Variants in ERBB4 observed in about 807,000 individuals in gnomAD.
The protein encoded by ERBB4 is receptor tyrosine-protein kinase erbB-4.
In ERBB4, 42 loss-of-function variants were observed where a neutral mutation model predicts 158.0. The ratio of observed to expected loss-of-function variants is 0.27; its 90% CI spans 0.21 to 0.34. The LOEUF (loss-of-function observed/expected upper bound fraction) is 0.34. ERBB4 is among the 10% of genes least tolerant of loss of function. The pLI is 1.00. For missense variants in ERBB4, 1,333 were observed against 1,624.1 expected, an observed-to-expected ratio of 0.82 and a Z score of 3.08; for synonymous variants, 583 against 558.7, an observed-to-expected ratio of 1.04 and a Z score of -0.61.
At chr2:212,041,022 T>C (rs1213821399) in intron 2 of ERBB4, among the ~76,000 whole-genome samples, 1 of 152,106 alleles carries the variant, frequency 6.6e-6, no homozygotes, top group Non-Finnish European at 1.5e-5. Context: ...TGAAGAGACT[T>C]CTTGGTTCAA....
intron 1 of ERBB4, among the ~76,000 whole-genome samples, chr2:212,394,366 C>T (rs950739384): frequency 6.6e-6 from 1 of 151,938 alleles, no homozygotes; most frequent in African/African-American, 2.4e-5. Context: ...TATAATGGTA[C>T]TGTCGCTAAT....
chr2:211,857,246 T>C (rs2077894264), intron 3 of ERBB4, among the ~76,000 whole-genome samples: 1 of 145,534 alleles, frequency 6.9e-6, no homozygotes. Context: ...ATTTTAAATG[T>C]CCTTCCTTTG....
At chr2:212,354,166 C>A (rs2089373047) in intron 1 of ERBB4, among the ~76,000 whole-genome samples, 2 of 152,044 alleles carry the variant, frequency 1.3e-5, no homozygotes, top group Non-Finnish European at 2.9e-5. Context: ...TTTTCACATG[C>A]ACTTGATTAA....
Position 212,111,227 on chromosome 2 carries a change from T to TA in ERBB4, c.234+13524_234+13525insT, listed in dbSNP as rs559549486. Among the ~76,000 whole-genome samples the TA allele has an allele frequency of 1.4e-4, 22 of 152,332 alleles. 2 individuals are homozygous for TA. In the South Asian group the frequency reaches 4.6e-3, roughly 32 times the overall value. On this transcript the variant is annotated intron_variant, in intron 2 of 27. Transcript: ENST00000342788. ...TTATATGCAGTTAGTTGTTAAGTCTTTATTAAGTCTTTCCTTATAATGATT... is the reference window on the plus strand; with the variant it reads ...TTATATGCAGTTAGTTGTTAAGTCTTATATTAAGTCTTTCCTTATAATGATT...
intron 4 of ERBB4, among the ~76,000 whole-genome samples, chr2:211,752,031 T>C (rs187789285): frequency 3.3e-4 from 50 of 152,280 alleles, no homozygotes; most frequent in African/African-American, 1.2e-3. Flanking sequence ...GTGTATAATA[T>C]CCTGTCACTC....
intron 2 of ERBB4, among the ~76,000 whole-genome samples, chr2:212,083,316 A>G (rs2078500620): frequency 6.6e-6 from 1 of 151,928 alleles, no homozygotes; most frequent in Admixed American, 6.6e-5. Flanking sequence ...TTATTCTCAG[A>G]TGGTGGGAAA....
At chr2:212,468,519 C>T (rs62186293) in intron 1 of ERBB4, among the ~76,000 whole-genome samples, 43,511 of 152,038 alleles carry the variant, frequency 0.29, 7,148 homozygotes, top group Non-Finnish European at 0.38. Flanking sequence ...TATGACTTGC[C>T]CCTCCTTGCT....
At chr2:211,384,528 T>C (rs1382035421) in intron 27 of ERBB4, among the ~76,000 whole-genome samples, 1 of 152,156 alleles carries the variant, frequency 6.6e-6, no homozygotes, top group East Asian at 1.9e-4. Flanking sequence ...GAAGAAATCA[T>C]GTTTTTTAGT....
intron 2 of ERBB4, among the ~76,000 whole-genome samples, chr2:211,949,130 C>T (rs1039505943): frequency 4.3e-4 from 66 of 152,226 alleles, no homozygotes; most frequent in African/African-American, 1.3e-3. Flanking sequence ...CTACCTCTTA[C>T]GTCATCCATG....
At chr2:211,861,049 TTA>T (rs1391879958) in intron 3 of ERBB4, among the ~76,000 whole-genome samples, 831 of 9,028 alleles carry the variant, frequency 0.092, 111 homozygotes, top group Non-Finnish European at 0.14. Flanking sequence ...ATTTATATAT[TTA>T]TATATATATA....
intron 1 of ERBB4, among the ~76,000 whole-genome samples, chr2:212,218,407 TTGTC>T (rs1011618010): frequency 2.6e-5 from 4 of 151,364 alleles, no homozygotes; most frequent in South Asian, 2.1e-4. Flanking sequence ...TCCCTTTGTT[TTGTC>T]TGTCTGTTTG....
intron 1 of ERBB4, among the ~76,000 whole-genome samples, chr2:212,163,303 C>T (rs571121523): frequency 1.8e-4 from 27 of 151,868 alleles, no homozygotes; most frequent in South Asian, 4.1e-4. Flanking sequence ...GTTTTCTTTT[C>T]ACAGGATATG....
chr2:212,120,790 T>C (rs2079723690), intron 2 of ERBB4, among the ~76,000 whole-genome samples: 1 of 152,214 alleles, frequency 6.6e-6, no homozygotes. Context: ...GGAAGGAAAC[T>C]GTAAAACCAT....
chr2:212,030,056 C>T (rs1430891101), intron 2 of ERBB4, among the ~76,000 whole-genome samples: 1 of 152,140 alleles, frequency 6.6e-6, no homozygotes, highest in Non-Finnish European at 1.5e-5. Flanking sequence ...AAAGGATAGC[C>T]TGCATCCTGA....
intron 25 of ERBB4, among the ~76,000 whole-genome samples, chr2:211,403,499 G>A (rs2063086661): frequency 6.6e-6 from 1 of 152,074 alleles, no homozygotes; most frequent in Non-Finnish European, 1.5e-5. Flanking sequence ...TTGCAATTAT[G>A]CCTGGCTTGG....
At chr2:211,986,327 A>C (rs1431139725) in intron 2 of ERBB4, among the ~76,000 whole-genome samples, 2 of 152,192 alleles carry the variant, frequency 1.3e-5, no homozygotes, top group East Asian at 3.9e-4. Flanking sequence ...AAATGAATAT[A>C]CTATCCAATC....
At chr2:212,520,240 A>G (rs1026504795) in intron 1 of ERBB4, among the ~76,000 whole-genome samples, 21 of 152,090 alleles carry the variant, frequency 1.4e-4, no homozygotes, top group African/African-American at 4.6e-4. Flanking sequence ...ATTGATTTTA[A>G]TTATAGTTTA....
chr2:211,419,427 A>G (rs1294917377), intron 25 of ERBB4, among the ~76,000 whole-genome samples: 1 of 152,122 alleles, frequency 6.6e-6, no homozygotes, highest in Non-Finnish European at 1.5e-5. Flanking sequence ...AAATATTCTT[A>G]TGGCTATGGT....
At chr2:211,699,949 T>C (rs545100404) in intron 12 of ERBB4, among the ~76,000 whole-genome samples, 3 of 152,304 alleles carry the variant, frequency 2.0e-5, no homozygotes, top group Non-Finnish European at 4.4e-5. Context: ...CATTTGCTTT[T>C]TAATTCAAGT....
Sources: allele counts gnomAD v4.1 joint callset (sites outside exome capture counted in the v4.1 genomes callset), GRCh38; gene constraint gnomAD v4.1.1; transcripts MANE v1.5; gene names NCBI Gene and HGNC (gene_info 2026-07-23, HGNC 2026-07-21).